Variants in SOX6 observed in about 807,000 individuals in gnomAD.
SOX6 encodes transcription factor SOX-6.
In SOX6, 11 loss-of-function variants were observed where a neutral mutation model predicts 97.8. The observed-to-expected ratio is 0.11, with a 90% CI of 0.07 to 0.19. The LOEUF is 0.19. SOX6 is among the 10% of genes least tolerant of loss of function. The probability of loss-of-function intolerance (pLI) is 1.00; values close to 1 mark genes in which losing one functional copy is unlikely to be tolerated. For missense variants in SOX6, 810 were observed against 1,039.5 expected, an observed-to-expected ratio of 0.78 and a Z score of 3.04; for synonymous variants, 360 against 371.4, an observed-to-expected ratio of 0.97 and a Z score of 0.35.
chr11:16,218,980 C>T (rs1852457163), intron 4 of SOX6, among the ~76,000 whole-genome samples: 1 of 152,070 alleles, frequency 6.6e-6, no homozygotes, highest in South Asian at 2.1e-4. Flanking sequence ...CTCTTGCACT[C>T]TTCTTATTTT....
chr11:16,110,858 C>T (rs958827762), intron 7 of SOX6, among the ~76,000 whole-genome samples: 2 of 152,272 alleles, frequency 1.3e-5, no homozygotes, highest in African/African-American at 4.8e-5. Context: ...CATATTAAAA[C>T]GCCTTTGTTC....
chr11:16,471,782 T>C (rs960907235), intron 1 of SOX6, among the ~76,000 whole-genome samples: 2 of 152,214 alleles, frequency 1.3e-5, no homozygotes, highest in African/African-American at 4.8e-5. Flanking sequence ...CAAAAGGTTC[T>C]GCAGTCAGGA....
At chr11:16,440,894 A>C (rs1503451) in intron 1 of SOX6, among the ~76,000 whole-genome samples, 151,468 of 152,186 alleles carry the variant, frequency 1, 75,382 homozygotes, top group Middle Eastern at 1. Flanking sequence ...GGCTGAGAGA[A>C]AAATTTCTCC....
At chr11:16,662,528 A>G (rs1472122153) in intron 3 of SOX6, among the ~76,000 whole-genome samples, 2 of 152,226 alleles carry the variant, frequency 1.3e-5, no homozygotes, top group Non-Finnish European at 2.9e-5. Flanking sequence ...ATCCAACAAT[A>G]TAATATTTTT....
At chr11:16,371,018 T>C (rs930958742) in intron 1 of SOX6, among the ~76,000 whole-genome samples, 1 of 152,120 alleles carries the variant, frequency 6.6e-6, no homozygotes, top group Admixed American at 6.6e-5. Flanking sequence ...ATCATACCAC[T>C]TCTTTGCTCA....
intron 4 of SOX6, among the ~76,000 whole-genome samples, chr11:16,608,124 G>A (rs1261055031): frequency 2.0e-5 from 3 of 151,910 alleles, no homozygotes; most frequent in African/African-American, 4.8e-5. Context: ...AGGGGAAAAC[G>A]ACCAAAAGAG....
intron 4 of SOX6, among the ~76,000 whole-genome samples, chr11:16,518,017 C>G (rs1457799040): frequency 6.6e-6 from 1 of 152,150 alleles, no homozygotes; most frequent in African/African-American, 2.4e-5. Context: ...TTGCTCGCCC[C>G]ATCCATAATC....
chr11:16,459,740 C>A (rs1201322196), intron 1 of SOX6, among the ~76,000 whole-genome samples: 19 of 151,830 alleles, frequency 1.3e-4, no homozygotes, highest in Non-Finnish European at 8.8e-5. Context: ...AATACGTGAA[C>A]TTGAAGACTT....
At chr11:16,006,281 G>A (rs1854553103) in intron 13 of SOX6, among the ~76,000 whole-genome samples, 1 of 151,992 alleles carries the variant, frequency 6.6e-6, no homozygotes, top group Non-Finnish European at 1.5e-5. Flanking sequence ...AACCTCTCTA[G>A]TCTAAATCAG....
chr11:16,293,911 A>C (rs1050375695), intron 3 of SOX6, among the ~76,000 whole-genome samples: 1 of 151,982 alleles, frequency 6.6e-6, no homozygotes, highest in African/African-American at 2.4e-5. Context: ...CCAGAGCAGG[A>C]TTATTCTCTA....
chr11:16,092,523 A>T (rs1848714478), intron 9 of SOX6, among the ~76,000 whole-genome samples: 1 of 151,966 alleles, frequency 6.6e-6, no homozygotes, highest in African/African-American at 2.4e-5. Flanking sequence ...CAATCTAAAC[A>T]TATGTCACTG....
At chr11:16,460,029 G>A (rs34742295) in intron 1 of SOX6, among the ~76,000 whole-genome samples, 1 of 151,516 alleles carries the variant, frequency 6.6e-6, no homozygotes, top group Non-Finnish European at 1.5e-5. Context: ...TAATCAAATT[G>A]CTTAAAAACA....
rs570468834 is a variant in SOX6 at position 16,303,939 on chromosome 11, G to A, written c.445+14507C>T. 5.9e-5 allele frequency among the ~76,000 whole-genome samples: 9 copies of A among 152,056 alleles called. No homozygotes were observed. The East Asian group carries it at 1.4e-3, about 23-fold the overall frequency. On this transcript the variant is annotated intron_variant, in intron 3 of 15. Transcript: ENST00000683767. ...TTTTTTGTTTGTTTGTTTTTGAGACGGAGTTCTTGCTCTGTTACCCAGGTT... is the reference window on the plus strand; with the variant it reads ...TTTTTTGTTTGTTTGTTTTTGAGACAGAGTTCTTGCTCTGTTACCCAGGTT...
chr11:16,502,887 A>C (rs982391806), intron 4 of SOX6, among the ~76,000 whole-genome samples: 1 of 152,290 alleles, frequency 6.6e-6, no homozygotes, highest in Admixed American at 6.5e-5. Flanking sequence ...AGAGAGATGC[A>C]AGTTAAAAAG....
intron 3 of SOX6, among the ~76,000 whole-genome samples, chr11:16,654,111 A>G (rs1847691404): frequency 6.6e-6 from 1 of 152,160 alleles, no homozygotes; most frequent in Admixed American, 6.5e-5. Context: ...GAGTCTATAG[A>G]TAATAAGTGA....
At chr11:16,733,128 G>C (rs1848363645) in intron 2 of SOX6, among the ~76,000 whole-genome samples, 1 of 152,230 alleles carries the variant, frequency 6.6e-6, no homozygotes, top group Admixed American at 6.5e-5. Flanking sequence ...CACTGTTGGT[G>C]AGAATGTGAA....
chr11:16,395,157 C>T (rs1858313104), intron 1 of SOX6, among the ~76,000 whole-genome samples: 1 of 151,748 alleles, frequency 6.6e-6, no homozygotes, highest in African/African-American at 2.4e-5. Context: ...CAAATATTTA[C>T]TGAATGCTTA....
intron 1 of SOX6, among the ~76,000 whole-genome samples, chr11:16,362,817 T>C (rs930118024): frequency 6.6e-6 from 1 of 152,118 alleles, no homozygotes; most frequent in African/African-American, 2.4e-5. Context: ...AACCAGAACA[T>C]AGAATTTTCA....
At chr11:15,981,118 T>C (rs1373907864) in intron 15 of SOX6, among the ~76,000 whole-genome samples, 1 of 152,100 alleles carries the variant, frequency 6.6e-6, no homozygotes, top group African/African-American at 2.4e-5. Flanking sequence ...GAAATTGCTT[T>C]CCTAAAAAGC....
Sources: allele counts gnomAD v4.1 joint callset (sites outside exome capture counted in the v4.1 genomes callset), GRCh38; gene constraint gnomAD v4.1.1; transcripts MANE v1.5; gene names NCBI Gene and HGNC (gene_info 2026-07-23, HGNC 2026-07-21).